The following NKX2-6 variants were observed in gnomAD, a reference collection of about 807,000 sequenced individuals.
NKX2-6 encodes homeobox protein Nkx-2.6.
NKX2-6 carries 8 observed loss-of-function variants against 8.6 expected under a neutral mutation model. The observed-to-expected ratio is 0.93, with a 90% confidence interval of 0.54 to 1.67. The LOEUF is 1.67. NKX2-6 is among the 40% of genes most tolerant of loss of function. The probability of loss-of-function intolerance (pLI) is 0.00; values close to 1 mark genes in which losing one functional copy is unlikely to be tolerated. For missense variants in NKX2-6, 475 were observed against 423.1 expected, an observed-to-expected ratio of 1.12 and a Z score of -1.08; for synonymous variants, 210 against 199.3, an observed-to-expected ratio of 1.05 and a Z score of -0.45.
chr8:23,702,365 C>A lies in NKX2-6; in HGVS notation c.*86G>T. The A allele has an allele frequency of 1.5e-6, 2 of 1,359,728 alleles. No individual in the cohort carries two copies. Among genetic ancestry groups the A allele is most frequent in the Non-Finnish European group, 9.6e-7 (1 of 1,036,602 alleles). The allele number at this position is 1,359,728 out of a possible 1,614,324, so 84.2% of individuals were successfully genotyped here. A position where few individuals can be genotyped will look rare whatever the true frequency, so the allele number is the denominator to read the frequency against. Reference sequence around the variant, plus strand: ...GTTGGGTAGCAGCTTCCTTCCAGCGCCGCGTCCCCTCCTTGTCACGACCTG... The same window carrying A: ...GTTGGGTAGCAGCTTCCTTCCAGCGACGCGTCCCCTCCTTGTCACGACCTG... On this transcript the variant is annotated 3_prime_UTR_variant, in exon 2 of 2. Coordinates refer to ENST00000325017, the MANE Select transcript of NKX2-6 (RefSeq NM_001136271.3).
Position 23,702,849 on chromosome 8 carries a change from G to A in NKX2-6, c.508C>T (p.Gln170Ter), listed in dbSNP as rs374392076. The A allele has an allele frequency of 9.6e-6, 15 of 1,569,374 alleles. No individual in the cohort carries two copies. Among genetic ancestry groups the A allele is most frequent in the African/African-American group, 1.4e-5 (1 of 73,880 alleles). The change falls in exon 2 of 2, where the codon CAG becomes TAG. Residue 170 changes from glutamine (Q) to a stop codon, truncating the protein, a stop_gained. Transcript: ENST00000325017. LOFTEE classifies it low-confidence loss of function (END_TRUNC). ...ATCTTGACCTGCGTGGACGTGAGCT[G>A]CAGCGCGCTGGCCAGGTGCTCGCGC... is the stretch of plus-strand genomic sequence containing the variant. ...PEREHLASAL[Q>*]LTSTQVKIWF...
chr8:23,702,785 C>A lies in NKX2-6; in HGVS notation c.572G>T (p.Arg191Leu), dbSNP rs548152920. 6 of 1,562,304 alleles carry A rather than the reference C, an allele frequency of 3.8e-6. No individual in the cohort carries two copies. In the African/African-American group the frequency reaches 5.4e-5, roughly 14 times the overall value. ...AGCCAGTTCCAGCGACTTGTCCTGG[C>A]GCTGTCTCTTGCATTTGTAGCGTCG... ...QNRRYKCKRQ[R>L]QDKSLELAGH... Residue 191 changes from arginine to leucine, a missense_variant, in exon 2 of 2, where the codon CGC becomes CTC. Arg to Leu is a moderately radical substitution (Grantham distance 102). Coordinates refer to ENST00000325017, the MANE Select transcript of NKX2-6 (RefSeq NM_001136271.3).
rs530501230 is a variant in NKX2-6 at position 23,706,325 on chromosome 8, G to T, written c.274C>A (p.Gln92Lys). The T allele has an allele frequency of 1.5e-5, 23 of 1,530,754 alleles. No individual in the cohort carries two copies. The South Asian group carries it at 2.6e-4, about 17-fold the overall frequency. 94.8% of individuals were successfully genotyped at this position (1,530,754 alleles called of 1,614,324 possible). A position where few individuals can be genotyped will look rare whatever the true frequency, so the allele number is the denominator to read the frequency against. Residue 92 changes from glutamine (Q) to lysine (K), a missense_variant and splice_region_variant, in exon 1 of 2, where the codon CAG becomes AAG. Transcript: ENST00000325017. ...AGGCAAGACCTGAGCGCTTACTCAC[G>T]TGGCTCCCCCATCCGTTCCGCGTCC... ...EMDAERMGEP[Q>K]PGLNAASPLG...
intron 1 of NKX2-6, among the ~76,000 whole-genome samples, chr8:23,704,398 C>T (rs950895042): frequency 6.6e-6 from 1 of 152,158 alleles, no homozygotes; most frequent in African/African-American, 2.4e-5. Flanking sequence ...GCAGCGTTTT[C>T]CTCCCTTCTC....
At position 23,701,996 on chromosome 8, in the gene NKX2-6, C is replaced by T. The variant is rs186053224; in HGVS notation, c.*455G>A. Among the ~76,000 whole-genome samples, 881 of 152,252 alleles carry T rather than the reference C, an allele frequency of 5.8e-3. 6 individuals are homozygous for T. Among genetic ancestry groups the T allele is most frequent in the Non-Finnish European group, 8.7e-3 (593 of 68,020 alleles). On this transcript the variant is annotated 3_prime_UTR_variant, in exon 2 of 2. Transcript: ENST00000325017. ...CCCAGCTCTTCAGCCCCCTTCCCGCCCTCCCGTCCTCTTCTCTTTCTTCCC... is the reference window on the plus strand; with the variant it reads ...CCCAGCTCTTCAGCCCCCTTCCCGCTCTCCCGTCCTCTTCTCTTTCTTCCC...
At chr8:23,706,294 C>A (rs955958663) in intron 1 of NKX2-6, 31 bp downstream of exon 1, 3 of 1,511,274 alleles carry the variant, frequency 2.0e-6, no homozygotes, top group Admixed American at 2.1e-5. Context: ...ACATTCCCCC[C>A]GTAGGAGGCA....
In NKX2-6 at chr8:23,702,803, T is replaced by C; in HGVS notation, c.554A>G (p.Tyr185Cys). 2 of 1,569,730 alleles carry C rather than the reference T, an allele frequency of 1.3e-6. No homozygotes were observed. The highest frequency in any genetic ancestry group is 1.7e-6 in the Non-Finnish European group (2 of 1,156,956). The change falls in exon 2 of 2, where the codon TAC (tyrosine) becomes TGC (cysteine). Residue 185 changes from tyrosine (Y) to cysteine (C), a missense_variant. Coordinates refer to ENST00000325017, the MANE Select transcript of NKX2-6 (RefSeq NM_001136271.3). Reference sequence around the variant, plus strand: ...GTCCTGGCGCTGTCTCTTGCATTTGTAGCGTCGGTTCTGGAACCAGATCTT... The same window carrying C: ...GTCCTGGCGCTGTCTCTTGCATTTGCAGCGTCGGTTCTGGAACCAGATCTT... ...QVKIWFQNRR[Y>C]KCKRQRQDKS...
chr8:23,703,099 G>T lies in NKX2-6; in HGVS notation c.275-17C>A. On this transcript the variant is annotated splice_polypyrimidine_tract_variant and intron_variant, in intron 1 of 1. Coordinates refer to ENST00000325017, the MANE Select transcript of NKX2-6 (RefSeq NM_001136271.3). ...GGCCGGGCTCTAAAAGCACAGGAAG[G>T]GACACATCAGCGCCCAGCCTAAGGC... 6.5e-7 allele frequency: 1 copy of T among 1,537,116 alleles called. No homozygotes were observed.
chr8:23,702,074 T>A lies in NKX2-6; in HGVS notation c.*377A>T, dbSNP rs1218474870. ...TAGGCCCGCTAGATCACCATCTCCA[T>A]TCACCGCCGATGCCCCGGGGCTGCT... On this transcript the variant is annotated 3_prime_UTR_variant, in exon 2 of 2. Transcript: ENST00000325017. Among the ~76,000 whole-genome samples, 1 of 151,082 alleles carries A rather than the reference T, an allele frequency of 6.6e-6. No homozygotes were observed. The highest frequency in any genetic ancestry group is 2.4e-5 in the African/African-American group (1 of 41,232).
rs866721483 is a variant in NKX2-6, at chr8:23,702,503, G to A, written c.854C>T (p.Ala285Val). 2 of 1,523,622 alleles carry A rather than the reference G, an allele frequency of 1.3e-6. No homozygotes were observed. The highest frequency in any genetic ancestry group is 8.8e-7 in the Non-Finnish European group (1 of 1,135,000). The allele number at this position is 1,523,622 out of a possible 1,614,324, so 94.4% of individuals were successfully genotyped here. A position where few individuals can be genotyped will look rare whatever the true frequency, so the allele number is the denominator to read the frequency against. ...SAGFGHGGQN[A>V]TPQGHLAATL... ...GGCTGCCAGATGGCCCTGCGGGGTG[G>A]CATTCTGGCCACCGTGTCCGAAGCC... Residue 285 changes from alanine to valine, a missense_variant, in exon 2 of 2, where the codon GCC (alanine) becomes GTC (valine). Ala to Val is a moderately conservative substitution (Grantham distance 64, BLOSUM62 0). Transcript: ENST00000325017.
At chr8:23,706,159 G>A (rs1348114893) in intron 1 of NKX2-6, among the ~76,000 whole-genome samples, 166 bp downstream of exon 1, 1 of 152,184 alleles carries the variant, frequency 6.6e-6, no homozygotes, top group East Asian at 1.9e-4. Flanking sequence ...GGTGTCAGGA[G>A]AGGATGGGAA....
At position 23,706,296 on chromosome 8, in the gene NKX2-6, T is replaced by C. The variant is rs1417781843; in HGVS notation, c.274+29A>G. 10 of 999,450 alleles carry C rather than the reference T, an allele frequency of 1.0e-5. No individual in the cohort carries two copies. The African/African-American group carries it at 1.4e-4, about 14-fold the overall frequency. The allele number at this position is 999,450 out of a possible 1,614,324, so 61.9% of individuals were successfully genotyped here. A position where few individuals can be genotyped will look rare whatever the true frequency, so the allele number is the denominator to read the frequency against. ...CGCCCCCGCCCCCACATTCCCCCCG[T>C]AGGAGGCAAGACCTGAGCGCTTACT... On this transcript the variant is annotated intron_variant, in intron 1 of 1. Transcript: ENST00000325017.
chr8:23,702,329 A>G lies in NKX2-6; in HGVS notation c.*122T>C. ...ATCGCAGTTTCAGAGATCCCTCCGG[A>G]AAGAAGCGCCGTTGGGTAGCAGCTT... is the stretch of plus-strand genomic sequence containing the variant. On this transcript the variant is annotated 3_prime_UTR_variant, in exon 2 of 2. Coordinates refer to ENST00000325017, the MANE Select transcript of NKX2-6 (RefSeq NM_001136271.3). 2 of 1,143,406 alleles carry G rather than the reference A, an allele frequency of 1.7e-6. No individual in the cohort carries two copies. The highest frequency in any genetic ancestry group is 1.8e-5 in the South Asian group (1 of 56,636). 70.8% of individuals were successfully genotyped at this position (1,143,406 alleles called of 1,614,324 possible).
chr8:23,703,306 A>G lies in NKX2-6; in HGVS notation c.275-224T>C, dbSNP rs77408737. ...CACCTTTATATGTTACTGCTGGAACATAAATTGTGACAACCTATGGTCCCT... is the reference window on the plus strand; with the variant it reads ...CACCTTTATATGTTACTGCTGGAACGTAAATTGTGACAACCTATGGTCCCT... On this transcript the variant is annotated intron_variant, in intron 1 of 1. Transcript: ENST00000325017. Among the ~76,000 whole-genome samples the G allele has an allele frequency of 2.9e-3, 443 of 152,322 alleles. 2 individuals are homozygous for G. Among genetic ancestry groups the G allele is most frequent in the African/African-American group, 9.4e-3 (389 of 41,580 alleles).
At chr8:23,706,272 G>GCCC in intron 1 of NKX2-6, 53 bp downstream of exon 1, 1 of 1,469,016 alleles carries the variant, frequency 6.8e-7, no homozygotes, top group Non-Finnish European at 9.1e-7. Context: ...CATGGATCAC[G>GCCC]CCCCCGCCCC....
Position 23,702,496 on chromosome 8 carries a change from C to A in NKX2-6, c.861G>T (p.Pro287=), listed in dbSNP as rs1386664548. ...GFGHGGQNAT[P]QGHLAATLQG... is the part of the protein sequence containing the mutation. Reference sequence around the variant, plus strand: ...GCAGCGTGGCTGCCAGATGGCCCTGCGGGGTGGCATTCTGGCCACCGTGTC... The same window carrying A: ...GCAGCGTGGCTGCCAGATGGCCCTGAGGGGTGGCATTCTGGCCACCGTGTC... Residue 287 remains proline, a synonymous_variant, in exon 2 of 2, where the codon CCG becomes CCT. Transcript: ENST00000325017. The A allele has an allele frequency of 1.3e-6, 2 of 1,518,674 alleles. No homozygotes were observed. The highest frequency in any genetic ancestry group is 1.4e-5 in the African/African-American group (1 of 72,690). 94.1% of individuals were successfully genotyped at this position (1,518,674 alleles called of 1,614,324 possible). A position where few individuals can be genotyped will look rare whatever the true frequency, so the allele number is the denominator to read the frequency against.
At chr8:23,705,428 G>A (rs1040696701) in intron 1 of NKX2-6, among the ~76,000 whole-genome samples, 8 of 152,222 alleles carry the variant, frequency 5.3e-5, no homozygotes, top group African/African-American at 1.7e-4. Flanking sequence ...GGGCCCCTGC[G>A]TTGAGAATGC....
chr8:23,706,178 G>C, intron 1 of NKX2-6, 147 bp downstream of exon 1: 1 of 788,560 alleles, frequency 1.3e-6, no homozygotes. Context: ...AATGGGATTC[G>C]AGAGGCCTTT....
rs1424768757 is a variant in NKX2-6 at position 23,701,814 on chromosome 8, T to C, written c.*637A>G. Among the ~76,000 whole-genome samples the C allele has an allele frequency of 6.6e-6, 1 of 152,166 alleles. No homozygotes were observed. Among genetic ancestry groups the C allele is most frequent in the African/African-American group, 2.4e-5 (1 of 41,426 alleles). On this transcript the variant is annotated 3_prime_UTR_variant, in exon 2 of 2. Coordinates refer to ENST00000325017, the MANE Select transcript of NKX2-6 (RefSeq NM_001136271.3). Reference sequence around the variant, plus strand: ...TGCACAACAGTGAAAGGGACCAGAATGTAGAGCCTACTTCCAGGAGAGCAG... The same window carrying C: ...TGCACAACAGTGAAAGGGACCAGAACGTAGAGCCTACTTCCAGGAGAGCAG...
Sources: gnomAD v4.1 joint callset for allele counts (sites outside exome capture counted in the v4.1 genomes callset) on GRCh38, gnomAD v4.1.1 for gene constraint, MANE v1.5 for transcripts, NCBI Gene and HGNC (gene_info 2026-07-23, HGNC 2026-07-21) for gene names.